POLR3B: variants seen among roughly 807,000 people sequenced by gnomAD.
POLR3B encodes the protein DNA-directed RNA polymerase III subunit RPC2.
POLR3B carries 96 observed loss-of-function variants against 147.4 expected under a neutral mutation model. The ratio of observed to expected loss-of-function variants is 0.65; its 90% CI spans 0.55 to 0.77. The LOEUF is 0.77. Among genes scored for constraint, POLR3B ranks in the 30% least tolerant of loss-of-function variants. The pLI is 0.00. For missense variants in POLR3B, 1,036 were observed against 1,413.5 expected (o/e 0.73, Z 4.28); for synonymous variants, 461 against 485.9 (o/e 0.95, Z 0.67).
chr12:106,429,467 T>C (rs1304138760), intron 13 of POLR3B, among the ~76,000 whole-genome samples: 3 of 152,210 alleles, frequency 2.0e-5, no homozygotes, highest in African/African-American at 4.8e-5. Flanking sequence ...AATACTGTTT[T>C]CTACTGTTAA....
chr12:106,359,467 G>A (rs1467137899), intron 1 of POLR3B, among the ~76,000 whole-genome samples: 1 of 151,758 alleles, frequency 6.6e-6, no homozygotes, highest in African/African-American at 2.4e-5. Flanking sequence ...AAGTAGCTGG[G>A]ATTACAGGCG....
chr12:106,469,604 T>C (rs536234862), intron 23 of POLR3B, among the ~76,000 whole-genome samples: 1 of 152,312 alleles, frequency 6.6e-6, no homozygotes, highest in South Asian at 2.1e-4. Context: ...TTCCTTTCCA[T>C]GTTTAGTGCT....
chr12:106,487,050 C>A (rs888262980), intron 23 of POLR3B, among the ~76,000 whole-genome samples: 1 of 152,208 alleles, frequency 6.6e-6, no homozygotes, highest in African/African-American at 2.4e-5. Flanking sequence ...TAAGGAGCCA[C>A]ACAATAACCC....
chr12:106,447,050 T>C (rs1399213117), intron 19 of POLR3B, among the ~76,000 whole-genome samples: 3 of 152,244 alleles, frequency 2.0e-5, no homozygotes, highest in African/African-American at 7.2e-5. Context: ...AAACTCATAC[T>C]CTATCCCATT....
intron 18 of POLR3B, among the ~76,000 whole-genome samples, chr12:106,443,857 G>A (rs941326816): frequency 3.0e-5 from 4 of 133,922 alleles, no homozygotes; most frequent in South Asian, 2.4e-4. Flanking sequence ...ACGGAGTCTC[G>A]CTCTCTCGCC....
chr12:106,441,245 G>A (rs2037647311), intron 18 of POLR3B, among the ~76,000 whole-genome samples: 1 of 151,974 alleles, frequency 6.6e-6, no homozygotes, highest in African/African-American at 2.4e-5. Context: ...ATGTATATTT[G>A]TATACACAGT....
intron 12 of POLR3B, among the ~76,000 whole-genome samples, chr12:106,423,647 G>C (rs1458159521): frequency 1.3e-5 from 2 of 152,040 alleles, no homozygotes; most frequent in Non-Finnish European, 2.9e-5. Flanking sequence ...CTGATTTTTT[G>C]TTCTATCTGA....
intron 12 of POLR3B, among the ~76,000 whole-genome samples, chr12:106,417,437 C>A (rs2037319448): frequency 6.6e-6 from 1 of 151,984 alleles, no homozygotes; most frequent in Admixed American, 6.6e-5. Context: ...CAGCAGAAGA[C>A]CATTGAAGAG....
chr12:106,388,309 T>G (rs1022465238), intron 9 of POLR3B, among the ~76,000 whole-genome samples: 59 of 149,948 alleles, frequency 3.9e-4, no homozygotes, highest in Non-Finnish European at 7.7e-4. Context: ...GAAACTAACT[T>G]ATATGGAAAT....
intron 8 of POLR3B, 72 bp downstream of exon 8, chr12:106,378,456 T>C (rs2036711999): frequency 1.1e-6 from 1 of 884,698 alleles, no homozygotes; most frequent in Non-Finnish European, 1.9e-6. Context: ...TATGTTTCAA[T>C]ACAGAGGGAG....
chr12:106,427,845 A>G (rs1416374784), intron 13 of POLR3B, among the ~76,000 whole-genome samples: 2 of 152,278 alleles, frequency 1.3e-5, no homozygotes, highest in African/African-American at 4.8e-5. Flanking sequence ...TCAGGGTCTC[A>G]GGCTATTCAT....
chr12:106,497,767 G>A (rs568665892), intron 25 of POLR3B, among the ~76,000 whole-genome samples: 2 of 152,186 alleles, frequency 1.3e-5, no homozygotes, highest in African/African-American at 4.8e-5. Flanking sequence ...CCGTTTAGGT[G>A]TGTTGCTAGA....
At chr12:106,482,571 A>G (rs1052386305) in intron 23 of POLR3B, among the ~76,000 whole-genome samples, 3 of 152,160 alleles carry the variant, frequency 2.0e-5, no homozygotes, top group African/African-American at 7.2e-5. Context: ...ACTCACTATC[A>G]TGAGAACAGC....
intron 9 of POLR3B, among the ~76,000 whole-genome samples, chr12:106,386,701 A>G (rs2036844179): frequency 6.6e-6 from 1 of 152,006 alleles, no homozygotes; most frequent in Non-Finnish European, 1.5e-5. Context: ...AGGTCAGGAG[A>G]TGGAGACCAC....
At chr12:106,395,422 G>T (rs1467065125) in intron 10 of POLR3B, among the ~76,000 whole-genome samples, 1 of 151,946 alleles carries the variant, frequency 6.6e-6, no homozygotes, top group Non-Finnish European at 1.5e-5. Flanking sequence ...GAGGGAGGAG[G>T]GGGTGCCACA....
chr12:106,461,658 A>G (rs542322106), intron 22 of POLR3B, among the ~76,000 whole-genome samples: 3 of 152,288 alleles, frequency 2.0e-5, no homozygotes, highest in African/African-American at 7.2e-5. Context: ...CATAGTGGGT[A>G]TTCAGTAAAT....
At chr12:106,358,024 G>A (rs1011831269) in intron 1 of POLR3B, 73 bp downstream of exon 1, 31 of 1,583,864 alleles carry the variant, frequency 2.0e-5, no homozygotes, top group African/African-American at 5.4e-5. Flanking sequence ...GAGTGCTCGG[G>A]CCGCCAAGGG....
intron 9 of POLR3B, among the ~76,000 whole-genome samples, chr12:106,387,868 A>G (rs907153066): frequency 1.3e-5 from 2 of 152,176 alleles, no homozygotes; most frequent in Non-Finnish European, 2.9e-5. Flanking sequence ...ATTTTTTGAA[A>G]AGTCCTGGAA....
Position 106,430,376 on chromosome 12 carries a change from CTTCCCAG to C in POLR3B, c.1370_1376del (p.Ser457LeufsTer7), listed in dbSNP as rs773229494. On this transcript the variant is annotated frameshift_variant, in exon 14 of 28. Transcript: ENST00000228347. LOFTEE classifies it high-confidence loss of function. ...GCACTGGGCATGATGACAAGAATCT[CTTCCCAG>C]TTTGAAAAAACGAGAAAAGTGAGTG... 2 of 1,614,020 alleles carry C rather than the reference CTTCCCAG, an allele frequency of 1.2e-6. No individual in the cohort carries two copies. Among genetic ancestry groups the C allele is most frequent in the South Asian group, 2.2e-5 (2 of 91,078 alleles).
Sources: allele counts gnomAD v4.1 joint callset (sites outside exome capture counted in the v4.1 genomes callset), GRCh38; gene constraint gnomAD v4.1.1; transcripts MANE v1.5; gene names NCBI Gene and HGNC (gene_info 2026-07-23, HGNC 2026-07-21).